Variants in CATSPERE observed in about 807,000 individuals in gnomAD.
CATSPERE encodes cation channel sperm-associated auxiliary subunit epsilon.
In CATSPERE, 93 loss-of-function variants were observed where a neutral mutation model predicts 114.1. That is an observed-to-expected ratio of 0.81 (90% CI 0.69 to 0.97). The LOEUF is 0.97. Ranked by LOEUF, CATSPERE falls within the 50% of genes least tolerant of loss-of-function variation. The probability of loss-of-function intolerance (pLI) is 0.00; values close to 1 mark genes in which losing one functional copy is unlikely to be tolerated. For missense variants in CATSPERE, 1,058 were observed against 1,131.6 expected (o/e 0.93, Z 0.93); for synonymous variants, 341 against 384.1 (o/e 0.89, Z 1.31).
intron 5 of CATSPERE, among the ~76,000 whole-genome samples, chr1:244,480,909 C>G (rs1038724396): frequency 4.6e-5 from 7 of 152,252 alleles, no homozygotes; most frequent in Admixed American, 1.3e-4. Context: ...TTCAGAAATC[C>G]CAGTCCCCAG....
At chr1:244,470,025 G>C (rs1668220321) in intron 2 of CATSPERE, among the ~76,000 whole-genome samples, 1 of 151,928 alleles carries the variant, frequency 6.6e-6, no homozygotes, top group Admixed American at 6.6e-5. Context: ...CCCCACCTCA[G>C]ACCACACCCA....
At chr1:244,535,125 C>G (rs1680180734) in intron 8 of CATSPERE, among the ~76,000 whole-genome samples, 2 of 152,238 alleles carry the variant, frequency 1.3e-5, no homozygotes. Context: ...CTCTCTCTCT[C>G]TCTCAGTGCT....
intron 11 of CATSPERE, 140 bp downstream of exon 11, chr1:244,572,912 A>G (rs1572822104): frequency 1.6e-6 from 1 of 634,282 alleles, no homozygotes; most frequent in African/African-American, 1.9e-5. Flanking sequence ...AAATAAAAAC[A>G]CAATAAGCCA....
At position 244,618,079 on chromosome 1, in the gene CATSPERE, T is replaced by C. The variant is rs115189138; in HGVS notation, c.2648+393T>C. Among the ~76,000 whole-genome samples, 815 of 152,308 alleles carry C rather than the reference T, an allele frequency of 5.4e-3. 3 individuals carry two copies. The highest frequency in any genetic ancestry group is 0.019 in the African/African-American group (779 of 41,564). The stretch of plus-strand genomic sequence containing the variant: ...ATTTTTCAAATATAATTATTTGCAT[T>C]ATTGACAGGCACAATAGTAATTCAG... On this transcript the variant is annotated intron_variant, in intron 20 of 21. Transcript: ENST00000366534.
At chr1:244,617,926 A>G (rs1021267004) in intron 20 of CATSPERE, among the ~76,000 whole-genome samples, 1 of 152,228 alleles carries the variant, frequency 6.6e-6, no homozygotes, top group Non-Finnish European at 1.5e-5. Context: ...TTGCCATGAA[A>G]GATCCAAATA....
intron 19 of CATSPERE, among the ~76,000 whole-genome samples, chr1:244,612,682 G>A (rs1273895708): frequency 6.6e-6 from 1 of 152,110 alleles, no homozygotes; most frequent in African/African-American, 2.4e-5. Flanking sequence ...TTGATTTTGA[G>A]ATGAAGTTTC....
chr1:244,631,204 A>G (rs1673896305), intron 20 of CATSPERE, among the ~76,000 whole-genome samples: 2 of 152,188 alleles, frequency 1.3e-5, no homozygotes, highest in African/African-American at 4.8e-5. Flanking sequence ...GCATGCCTTC[A>G]GTACCAGCTA....
At chr1:244,482,702 A>G (rs1021341467) in intron 5 of CATSPERE, among the ~76,000 whole-genome samples, 6 of 152,198 alleles carry the variant, frequency 3.9e-5, no homozygotes, top group Non-Finnish European at 7.3e-5. Context: ...CCACATATGC[A>G]TTACCCAAAT....
intron 11 of CATSPERE, 23 bp downstream of exon 11, chr1:244,572,795 T>G (rs746716968): frequency 2.1e-6 from 3 of 1,453,236 alleles, no homozygotes; most frequent in Non-Finnish European, 2.8e-6. Context: ...TTTAAATTTC[T>G]TCATTTGATT....
rs767241414 is a variant in CATSPERE at position 244,463,969 on chromosome 1, T to A, written c.114+13T>A. On this transcript the variant is annotated intron_variant, in intron 2 of 21. Transcript: ENST00000366534. Reference sequence around the variant, plus strand: ...TACCAGAAGTACTGTAAGTGTTGAATTTTTAATAAACTATAGTTAAATATT... The same window carrying A: ...TACCAGAAGTACTGTAAGTGTTGAAATTTTAATAAACTATAGTTAAATATT... The A allele has an allele frequency of 1.3e-6, 2 of 1,567,522 alleles. No individual in the cohort carries two copies. The highest frequency in any genetic ancestry group is 1.8e-6 in the Non-Finnish European group (2 of 1,138,972).
intron 6 of CATSPERE, among the ~76,000 whole-genome samples, chr1:244,490,876 C>A: frequency 6.6e-6 from 1 of 151,242 alleles, no homozygotes. Context: ...ATAAATTTAC[C>A]ATAGTCTTGA....
chr1:244,452,101 A>G (rs920029705), upstream of CATSPERE: 3 of 284,138 alleles, frequency 1.1e-5, no homozygotes, highest in African/African-American at 6.6e-5. Context: ...GACCGAGGCC[A>G]CGCCCCTTCC....
intron 9 of CATSPERE, among the ~76,000 whole-genome samples, chr1:244,553,854 T>C (rs1275936536): frequency 6.6e-6 from 1 of 152,136 alleles, no homozygotes; most frequent in African/African-American, 2.4e-5. Flanking sequence ...CAGACTCTAA[T>C]ATCTATCATT....
At chr1:244,451,759 C>T (rs756788957), upstream of CATSPERE, 1 of 1,600,600 alleles carries the variant, frequency 6.2e-7, no homozygotes, top group South Asian at 1.1e-5. This position sits in a 1 kb window ranked among gnomAD's most constrained non-coding sequence, Gnocchi z 6.6. Flanking sequence ...CGCCCTGGGG[C>T]GGCCGCAATC....
At chr1:244,493,331 G>C (rs1460597929) in intron 6 of CATSPERE, among the ~76,000 whole-genome samples, 1 of 152,084 alleles carries the variant, frequency 6.6e-6, no homozygotes, top group African/African-American at 2.4e-5. Flanking sequence ...ACAAACCTGA[G>C]AAAAACAAGC....
chr1:244,499,502 C>T (rs1249806112), intron 7 of CATSPERE, among the ~76,000 whole-genome samples: 4 of 132,366 alleles, frequency 3.0e-5, no homozygotes, highest in African/African-American at 1.1e-4. Context: ...TTCCCCCCCA[C>T]CCCTCGACAG....
intron 17 of CATSPERE, among the ~76,000 whole-genome samples, chr1:244,595,020 C>T (rs1668205406): frequency 6.6e-6 from 1 of 152,122 alleles, no homozygotes; most frequent in African/African-American, 2.4e-5. Flanking sequence ...TACCAGAGGC[C>T]TAGTGTGTTT....
At chr1:244,452,644 C>G (rs1041000107), upstream of CATSPERE, among the ~76,000 whole-genome samples, 1 of 152,152 alleles carries the variant, frequency 6.6e-6, no homozygotes, top group African/African-American at 2.4e-5. Context: ...TATGCAGATA[C>G]CGTCATGCAC....
At chr1:244,569,225 C>T (rs1402470771) in intron 10 of CATSPERE, among the ~76,000 whole-genome samples, 2 of 152,174 alleles carry the variant, frequency 1.3e-5, no homozygotes, top group East Asian at 1.9e-4. Flanking sequence ...CCCAGTGAGA[C>T]GACGCCCCAC....
Sources: allele counts gnomAD v4.1 joint callset (sites outside exome capture counted in the v4.1 genomes callset), GRCh38; gene constraint gnomAD v4.1.1; non-coding constraint Gnocchi (gnomAD v3.1); transcripts MANE v1.5; gene names NCBI Gene and HGNC (gene_info 2026-07-23, HGNC 2026-07-21).